Variants in HNF1A observed in about 807,000 individuals in gnomAD.
HNF1A encodes the protein HNF1 homeobox A.
A neutral mutation model predicts 62.2 loss-of-function variants in HNF1A; 21 were observed. The ratio of observed to expected loss-of-function variants is 0.34; its 90% CI spans 0.24 to 0.49. The LOEUF (loss-of-function observed/expected upper bound fraction) is 0.49. Ranked by LOEUF, HNF1A falls within the 20% of genes least tolerant of loss-of-function variation. HNF1A has a pLI of 0.99. For synonymous variants in HNF1A, 374 were observed against 366.8 expected, an observed-to-expected ratio of 1.02 and a Z score of -0.22; for missense variants, 687 against 832.3, an observed-to-expected ratio of 0.83 and a Z score of 2.15.
chr12:120,984,886 C>T (rs1325712113), intron 1 of HNF1A, among the ~76,000 whole-genome samples: 3 of 151,900 alleles, frequency 2.0e-5, no homozygotes, highest in African/African-American at 4.8e-5. Context: ...ATGTAAGTGG[C>T]CAGTCCTCAG....
At chr12:120,995,937 G>T (rs191378470) in intron 4 of HNF1A, among the ~76,000 whole-genome samples, 6 of 152,260 alleles carry the variant, frequency 3.9e-5, no homozygotes, top group Admixed American at 2.0e-4. Flanking sequence ...ATTTCAGATT[G>T]TATCAATTCA....
intron 6 of HNF1A, 29 bp from the exon 7 acceptor site, chr12:120,997,445 C>G: frequency 6.3e-7 from 1 of 1,581,962 alleles, no homozygotes; most frequent in Non-Finnish European, 8.6e-7. Flanking sequence ...ACTGGGGGGC[C>G]CAGCTGATTC....
intron 2 of HNF1A, among the ~76,000 whole-genome samples, 175 bp downstream of exon 2, chr12:120,989,207 C>G (rs553934778): frequency 1.1e-4 from 17 of 152,296 alleles, no homozygotes; most frequent in Non-Finnish European, 2.4e-4. Flanking sequence ...CTCTGTGGGA[C>G]GGGAGTAGAC....
At chr12:120,980,506 G>T in intron 1 of HNF1A, 1 of 152,694 alleles carries the variant, frequency 6.5e-6, no homozygotes. Flanking sequence ...AGAGCTGCAG[G>T]GGAGGGGCAA....
In HNF1A at chr12:120,996,155, G is replaced by C; in HGVS notation, c.956-107G>C. ...TTTGCTGGCTGCATAAAGGCAGACA[G>C]GCAGCTGGCCTAAGCAAACCAATGG... On this transcript the variant is annotated intron_variant, in intron 4 of 9. Coordinates refer to ENST00000257555, the MANE Select transcript of HNF1A (RefSeq NM_000545.8). This position sits in a 1 kb window ranked among gnomAD's most constrained non-coding sequence, Gnocchi z 4.5. The C allele has an allele frequency of 7.3e-7, 1 of 1,366,040 alleles. No individual in the cohort carries two copies. Among genetic ancestry groups the C allele is most frequent in the Non-Finnish European group, 1.0e-6 (1 of 971,938 alleles). The allele number at this position is 1,366,040 out of a possible 1,614,324, so 84.6% of individuals were successfully genotyped here.
At position 120,996,183 on chromosome 12, in the gene HNF1A, T is replaced by C; in HGVS notation, c.956-79T>C. Reference sequence around the variant, plus strand: ...AGCTGGCCTAAGCAAACCAATGGAGTTTGAAGTGCTGAGGGCTGTGGAGGC... The same window carrying C: ...AGCTGGCCTAAGCAAACCAATGGAGCTTGAAGTGCTGAGGGCTGTGGAGGC... On this transcript the variant is annotated intron_variant, in intron 4 of 9. Transcript: ENST00000257555. This position sits in a 1 kb window ranked among gnomAD's most constrained non-coding sequence, Gnocchi z 4.5. 6.4e-7 allele frequency: 1 copy of C among 1,554,004 alleles called. No individual in the cohort carries two copies.
chr12:120,995,300 C>A (rs1877045074), intron 4 of HNF1A, among the ~76,000 whole-genome samples: 1 of 151,604 alleles, frequency 6.6e-6, no homozygotes, highest in South Asian at 2.1e-4. Context: ...ACTCCATCTA[C>A]TCCACTCCCT....
chr12:120,986,417 A>G (rs1876511755), intron 1 of HNF1A, among the ~76,000 whole-genome samples: 2 of 152,182 alleles, frequency 1.3e-5, no homozygotes, highest in African/African-American at 2.4e-5. Flanking sequence ...TACTTGTGCC[A>G]TTTGTCACCT....
intron 8 of HNF1A, 30 bp from the exon 9 acceptor site, chr12:120,999,453 C>G (rs563879035): frequency 6.2e-7 from 1 of 1,613,742 alleles, no homozygotes. Flanking sequence ...CCACATCCCC[C>G]GGGCTCAGGA....
intron 4 of HNF1A, among the ~76,000 whole-genome samples, chr12:120,995,446 TTCTA>T (rs1165180236): frequency 6.6e-6 from 1 of 151,920 alleles, no homozygotes; most frequent in East Asian, 1.9e-4. Context: ...TACCATTTTA[TTCTA>T]TCTGTCCCAT....
In HNF1A at chr12:121,002,427, C is replaced by T. The variant is rs1039663997; in HGVS notation, c.*1235C>T. ...ATTCAGGAAAAGGCCTGGGGTGACC[C>T]GGCACCCCCTGCAGCTTGTAGCCAG... is the stretch of plus-strand genomic sequence containing the variant. On this transcript the variant is annotated 3_prime_UTR_variant, in exon 10 of 10. Coordinates refer to ENST00000257555, the MANE Select transcript of HNF1A (RefSeq NM_000545.8). The T allele has an allele frequency of 3.8e-5, 20 of 531,378 alleles. No individual in the cohort carries two copies. Among genetic ancestry groups the T allele is most frequent in the South Asian group, 9.2e-5 (6 of 65,136 alleles). The allele number at this position is 531,378 out of a possible 1,614,324, so 32.9% of individuals were successfully genotyped here. A position where few individuals can be genotyped will look rare whatever the true frequency, so the allele number is the denominator to read the frequency against.
intron 1 of HNF1A, among the ~76,000 whole-genome samples, chr12:120,980,061 T>G (rs1443261478): frequency 6.6e-6 from 1 of 151,958 alleles, no homozygotes; most frequent in Non-Finnish European, 1.5e-5. Context: ...CTTGAGGAGG[T>G]TCACTACTTC....
At position 121,002,102 on chromosome 12, in the gene HNF1A, G is replaced by A. The variant is rs1396257548; in HGVS notation, c.*910G>A. The A allele has an allele frequency of 1.9e-6, 1 of 533,806 alleles. No individual in the cohort carries two copies. Among genetic ancestry groups the A allele is most frequent in the East Asian group, 3.9e-5 (1 of 25,738 alleles). 33.1% of individuals were successfully genotyped at this position (533,806 alleles called of 1,614,324 possible). ...CCTTGTTTGGGGCAGGAGTAGCTGA[G>A]CTCACAAGGCAGCAAGGCCCGAGCA... On this transcript the variant is annotated 3_prime_UTR_variant, in exon 10 of 10. Transcript: ENST00000257555.
At chr12:120,985,674 A>G (rs1336947911) in intron 1 of HNF1A, among the ~76,000 whole-genome samples, 3 of 152,018 alleles carry the variant, frequency 2.0e-5, no homozygotes, top group East Asian at 3.9e-4. Context: ...GCCTCTAAAA[A>G]GAAAAATAAA....
rs765586328 is a variant in HNF1A at position 120,994,389 on chromosome 12, C to T, written c.939C>T (p.Ser313=). ...SSPGLPPPAL[S]PSKVHGVRYG... ...CTGGCCTGCCTCCACCTGCCCTCTC[C>T]CCCAGTAAGGTCCACGGTAAGTGGT... Residue 313 remains serine (S), a synonymous_variant, in exon 4 of 10, where the codon TCC becomes TCT. Coordinates refer to ENST00000257555, the MANE Select transcript of HNF1A (RefSeq NM_000545.8). 1.4e-5 allele frequency: 23 copies of T among 1,591,412 alleles called. No homozygotes were observed. Among genetic ancestry groups the T allele is most frequent in the Non-Finnish European group, 2.0e-5 (23 of 1,168,698 alleles).
intron 1 of HNF1A, among the ~76,000 whole-genome samples, chr12:120,982,353 C>G (rs935170987): frequency 6.6e-6 from 1 of 152,092 alleles, no homozygotes; most frequent in Non-Finnish European, 1.5e-5. Context: ...TACAGGCACT[C>G]AGAGCCACTG....
chr12:120,998,802 G>C (rs1877254537), intron 7 of HNF1A, among the ~76,000 whole-genome samples: 1 of 152,204 alleles, frequency 6.6e-6, no homozygotes. Flanking sequence ...GGGGCCACCT[G>C]AACTTACTAC....
In HNF1A at chr12:121,001,441, T is replaced by C; in HGVS notation, c.*249T>C. 2 of 547,286 alleles carry C rather than the reference T, an allele frequency of 3.7e-6. No individual in the cohort carries two copies. Among genetic ancestry groups the C allele is most frequent in the Admixed American group, 6.2e-5 (2 of 32,134 alleles). 33.9% of individuals were successfully genotyped at this position (547,286 alleles called of 1,614,324 possible). ...AGGAGCAAAGCCTGTTCATGGCAGA[T>C]GTAGGAGGGACTGTCGCTGCTTCGT... is the stretch of plus-strand genomic sequence containing the variant. On this transcript the variant is annotated 3_prime_UTR_variant, in exon 10 of 10. Coordinates refer to ENST00000257555, the MANE Select transcript of HNF1A (RefSeq NM_000545.8).
At position 121,001,240 on chromosome 12, in the gene HNF1A, T is replaced by C. The variant is rs754994233; in HGVS notation, c.*48T>C. On this transcript the variant is annotated 3_prime_UTR_variant, in exon 10 of 10. Coordinates refer to ENST00000257555, the MANE Select transcript of HNF1A (RefSeq NM_000545.8). ...CCTGTACTGCCTGCTTGGGGGGTGA[T>C]GAGGGCAGCAGCCAGCCCTGCCTGG... 207 of 1,608,512 alleles carry C rather than the reference T, an allele frequency of 1.3e-4. No individual in the cohort carries two copies. Among genetic ancestry groups the C allele is most frequent in the Non-Finnish European group, 1.7e-4 (196 of 1,177,936 alleles).
Sources: gnomAD v4.1 joint callset for allele counts (sites outside exome capture counted in the v4.1 genomes callset) on GRCh38, gnomAD v4.1.1 for gene constraint, Gnocchi (gnomAD v3.1) non-coding constraint, MANE v1.5 for transcripts, NCBI Gene and HGNC (gene_info 2026-07-23, HGNC 2026-07-21) for gene names.